The following CCDC30 variants were observed in gnomAD, a reference collection of about 807,000 sequenced individuals.
CCDC30 encodes coiled-coil domain containing 30.
A neutral mutation model predicts 100.2 loss-of-function variants in CCDC30; 70 were observed. That is an observed-to-expected ratio of 0.70 (90% CI 0.58 to 0.85). CCDC30 has a LOEUF of 0.85. CCDC30 is among the 40% of genes least tolerant of loss of function. CCDC30 has a pLI of 0.00. For missense variants in CCDC30, 652 were observed against 771.2 expected, an observed-to-expected ratio of 0.85 and a Z score of 1.83; for synonymous variants, 233 against 269.5, an observed-to-expected ratio of 0.86 and a Z score of 1.33.
At chr1:42,504,021 C>T (rs541307513) in intron 6 of CCDC30, among the ~76,000 whole-genome samples, 1 of 152,326 alleles carries the variant, frequency 6.6e-6, no homozygotes, top group East Asian at 1.9e-4. Context: ...TTATTAACAG[C>T]AAGCCAGTCA....
At chr1:42,610,939 G>A (rs748421976) in intron 10 of CCDC30, 39 bp from the exon 15 acceptor site, 1 of 959,572 alleles carries the variant, frequency 1.0e-6, no homozygotes, top group Non-Finnish European at 1.6e-6. Flanking sequence ...TCATACCTTT[G>A]TCAGGTCAGA....
At chr1:42,605,085 AT>A (rs754238726) in intron 10 of CCDC30, among the ~76,000 whole-genome samples, 1 of 152,164 alleles carries the variant, frequency 6.6e-6, no homozygotes, top group Non-Finnish European at 1.5e-5. Context: ...CTCTGGCCCA[AT>A]TTCCTACTAA....
chr1:42,554,009 A>G (rs1273793075), intron 6 of CCDC30, among the ~76,000 whole-genome samples: 1 of 151,126 alleles, frequency 6.6e-6, no homozygotes, highest in African/African-American at 2.4e-5. Context: ...ATATATATAT[A>G]TGTATGTATG....
rs187653901 is a variant in CCDC30 at position 42,640,964 on chromosome 1, G to C, written c.1420-1509G>C. ...ACCTACATTAGTATCTTATTTAAAA[G>C]AAACATGTAGGTTGGGCACAGTGTC... is the stretch of plus-strand genomic sequence containing the variant. On this transcript the variant is annotated intron_variant, in intron 12 of 16. Transcript: ENST00000668663. Among the ~76,000 whole-genome samples the C allele has an allele frequency of 3.8e-4, 57 of 151,948 alleles. 2 individuals carry two copies. In the East Asian group the frequency reaches 9.7e-3, roughly 26 times the overall value.
upstream of CCDC30, among the ~76,000 whole-genome samples, chr1:42,461,296 T>G (rs1352480651): frequency 1.3e-5 from 2 of 152,204 alleles, no homozygotes; most frequent in African/African-American, 4.8e-5. Flanking sequence ...GGAAAAATAC[T>G]GCAGCAGTCA....
Position 42,632,886 on chromosome 1 carries a change from T to G in CCDC30, c.1278-4351T>G, listed in dbSNP as rs193028880. 4.1e-4 allele frequency among the ~76,000 whole-genome samples: 63 copies of G among 151,952 alleles called. No homozygotes were observed. The Middle Eastern group carries it at 0.014, about 33-fold the overall frequency. On this transcript the variant is annotated intron_variant, in intron 11 of 16. Transcript: ENST00000668663. ...AATGCAGTACACGATCTCAGCTCAC[T>G]GCAACATTTGCCTCCCAGGTTCAAG...
intron 10 of CCDC30, among the ~76,000 whole-genome samples, chr1:42,601,540 A>C (rs2148625907): frequency 6.6e-6 from 1 of 152,302 alleles, no homozygotes; most frequent in South Asian, 2.1e-4. Flanking sequence ...CCATTTTGGG[A>C]CACCCCTAAC....
At chr1:42,627,956 C>T (rs565271836) in intron 11 of CCDC30, among the ~76,000 whole-genome samples, 1 of 152,276 alleles carries the variant, frequency 6.6e-6, no homozygotes, top group South Asian at 2.1e-4. Flanking sequence ...GAGAAGAGGG[C>T]CACCATCCTC....
chr1:42,640,902 TTAA>T (rs1647334162), intron 12 of CCDC30, among the ~76,000 whole-genome samples: 1 of 151,346 alleles, frequency 6.6e-6, no homozygotes, highest in African/African-American at 2.4e-5. Flanking sequence ...AAAAAAAAAA[TTAA>T]TAATAATAAT....
chr1:42,589,612 A>G (rs989911834), intron 10 of CCDC30, 129 bp downstream of exon 14: 2 of 756,112 alleles, frequency 2.6e-6, no homozygotes, highest in Non-Finnish European at 2.2e-6. Context: ...AGTAGAATCT[A>G]CTCTAGGTAT....
At chr1:42,642,240 CA>C (rs377007248) in intron 12 of CCDC30, among the ~76,000 whole-genome samples, 12 of 145,810 alleles carry the variant, frequency 8.2e-5, no homozygotes, top group East Asian at 4.0e-4. Context: ...AACAAACAAA[CA>C]AAAAAATATA....
At chr1:42,464,011 C>G (rs368496452) in intron 1 of CCDC30, 113 bp downstream of exon 1, 1 of 152,396 alleles carries the variant, frequency 6.6e-6, no homozygotes, top group African/African-American at 2.4e-5. Flanking sequence ...TCCCTGTTCA[C>G]GCTGCACATT....
intron 6 of CCDC30, among the ~76,000 whole-genome samples, chr1:42,516,269 T>C (rs1225413243): frequency 1.3e-5 from 2 of 152,162 alleles, no homozygotes; most frequent in African/African-American, 4.8e-5. Flanking sequence ...ATGGTTTGGA[T>C]ATGGCTTGTC....
At chr1:42,499,754 A>ATGTGCCAC (rs1644280318) in intron 6 of CCDC30, among the ~76,000 whole-genome samples, 1 of 151,294 alleles carries the variant, frequency 6.6e-6, no homozygotes, top group Admixed American at 6.6e-5. Flanking sequence ...GATTACAGGC[A>ATGTGCCAC]TGTGCCACTG....
chr1:42,522,276 T>G (rs1230072232), intron 6 of CCDC30, among the ~76,000 whole-genome samples: 3 of 152,186 alleles, frequency 2.0e-5, no homozygotes, highest in African/African-American at 7.2e-5. Context: ...CCAACTGTAG[T>G]TGGACTTTTT....
intron 6 of CCDC30, among the ~76,000 whole-genome samples, chr1:42,543,349 G>A (rs185236330): frequency 1.8e-3 from 261 of 148,082 alleles, no homozygotes; most frequent in Admixed American, 5.9e-3. Context: ...TTCTCACTCA[G>A]TTGTCTTTCT....
rs144206563 is a variant in CCDC30 at position 42,492,511 on chromosome 1, A to T, written c.241+2282A>T. 8.1e-4 allele frequency: 124 copies of T among 153,894 alleles called. 1 individual carries two copies. The highest frequency in any genetic ancestry group is 2.2e-3 in the African/African-American group (92 of 41,454). The allele number at this position is 153,894 out of a possible 1,614,324, so 9.5% of individuals were successfully genotyped here. ...AGAATCTGTTTAAAGTTCAAAATTT[A>T]AAAAAAAGGCCATCCTGGGCCATAA... On this transcript the variant is annotated intron_variant, in intron 4 of 16. Transcript: ENST00000668663.
intron 10 of CCDC30, among the ~76,000 whole-genome samples, chr1:42,604,423 G>C (rs1015735342): frequency 2.0e-5 from 3 of 152,200 alleles, no homozygotes; most frequent in African/African-American, 7.2e-5. Flanking sequence ...CCAGTATGGA[G>C]AGTCTGCTAT....
intron 11 of CCDC30, among the ~76,000 whole-genome samples, chr1:42,634,066 C>T (rs930803663): frequency 3.9e-5 from 6 of 152,174 alleles, no homozygotes; most frequent in African/African-American, 1.2e-4. Flanking sequence ...AATTACCTCC[C>T]ACCAGGTATC....
Sources: allele counts gnomAD v4.1 joint callset (sites outside exome capture counted in the v4.1 genomes callset), GRCh38; gene constraint gnomAD v4.1.1; transcripts MANE v1.5; gene names NCBI Gene and HGNC (gene_info 2026-07-23, HGNC 2026-07-21).